PLCB1: variants seen among roughly 807,000 people sequenced by gnomAD.
PLCB1 encodes 1-phosphatidylinositol 4,5-bisphosphate phosphodiesterase beta-1.
A neutral mutation model predicts 161.8 loss-of-function variants in PLCB1; 46 were observed. The ratio of observed to expected loss-of-function variants is 0.28; its 90% confidence interval spans 0.22 to 0.36. The LOEUF is 0.36. PLCB1 is among the 10% of genes least tolerant of loss of function. The pLI is 1.00. For synonymous variants in PLCB1, 517 were observed against 503.7 expected (o/e 1.03, Z -0.35); for missense variants, 1,016 against 1,472.5 (o/e 0.69, Z 5.07).
intron 2 of PLCB1, among the ~76,000 whole-genome samples, chr20:8,249,955 C>T (rs534600931): frequency 6.5e-4 from 99 of 151,984 alleles, no homozygotes; most frequent in African/African-American, 2.0e-3. Flanking sequence ...GGTTAGAAGC[C>T]TGAGGAACTG....
chr20:8,571,455 C>A (rs529315098), intron 3 of PLCB1, among the ~76,000 whole-genome samples: 1 of 151,842 alleles, frequency 6.6e-6, no homozygotes, highest in South Asian at 2.1e-4. Flanking sequence ...GCATTCCAGC[C>A]GGGGTGACCA....
At chr20:8,442,740 T>G (rs1980617865) in intron 3 of PLCB1, among the ~76,000 whole-genome samples, 1 of 152,154 alleles carries the variant, frequency 6.6e-6, no homozygotes, top group South Asian at 2.1e-4. Context: ...TCTGTTTTAT[T>G]AATTAAACTC....
intron 31 of PLCB1, among the ~76,000 whole-genome samples, chr20:8,878,941 T>C (rs115605867): frequency 0.01 from 1,576 of 152,198 alleles, 22 homozygotes; most frequent in African/African-American, 0.036. Context: ...AATTAGTTTT[T>C]CAAGGCTTGC....
intron 2 of PLCB1, among the ~76,000 whole-genome samples, chr20:8,321,445 C>T (rs73086231): frequency 6.6e-6 from 1 of 152,246 alleles, no homozygotes; most frequent in Non-Finnish European, 1.5e-5. Context: ...AATTTGGTAT[C>T]TGTTAATGAA....
In PLCB1 at chr20:8,232,802, C is replaced by A. The variant is rs1980126493; in HGVS notation, c.177+82431C>A. Among the ~76,000 whole-genome samples, 6 of 152,186 alleles carry A rather than the reference C, an allele frequency of 3.9e-5. No homozygotes were observed. In the South Asian group the frequency reaches 1.2e-3, roughly 31 times the overall value. On this transcript the variant is annotated intron_variant, in intron 2 of 31. Transcript: ENST00000338037. The stretch of plus-strand genomic sequence containing the variant: ...GAGGAAAGATGGTTAAGTCCTCTCT[C>A]CTTTCTTGGTTTAGCACTTCTTGCA...
intron 3 of PLCB1, among the ~76,000 whole-genome samples, chr20:8,603,873 G>C (rs1987673479): frequency 6.6e-6 from 1 of 152,178 alleles, no homozygotes; most frequent in Non-Finnish European, 1.5e-5. Context: ...ATTTTGGGGT[G>C]TTAATAATAT....
At chr20:8,167,748 CTTAT>C (rs2051690117) in intron 2 of PLCB1, among the ~76,000 whole-genome samples, 1 of 152,104 alleles carries the variant, frequency 6.6e-6, no homozygotes, top group South Asian at 2.1e-4. Context: ...TTCTGATGTA[CTTAT>C]TTATAGAACA....
chr20:8,391,781 GTGTGTATATATATA>G (rs539831208), intron 3 of PLCB1, among the ~76,000 whole-genome samples: 2 of 95,474 alleles, frequency 2.1e-5, no homozygotes, highest in African/African-American at 8.6e-5. Context: ...ATATATATGT[GTGTGTATATATATA>G]TATATATATA....
chr20:8,713,743 G>A (rs531359320), intron 12 of PLCB1, among the ~76,000 whole-genome samples: 1 of 152,308 alleles, frequency 6.6e-6, no homozygotes, highest in East Asian at 1.9e-4. Flanking sequence ...TAAAATGCAT[G>A]TTCCGGGGCT....
At chr20:8,523,504 A>C (rs752455177) in intron 3 of PLCB1, among the ~76,000 whole-genome samples, 878 of 87,126 alleles carry the variant, frequency 0.01, 21 homozygotes, top group African/African-American at 0.014. Context: ...CTCTATATAT[A>C]TATATATATA....
intron 3 of PLCB1, among the ~76,000 whole-genome samples, chr20:8,458,698 T>A (rs1981438014): frequency 6.6e-6 from 1 of 152,210 alleles, no homozygotes; most frequent in East Asian, 1.9e-4. Context: ...ATTACCTGTC[T>A]GGGATGAAAG....
intron 3 of PLCB1, among the ~76,000 whole-genome samples, chr20:8,496,458 C>G (rs78014972): frequency 6.6e-6 from 1 of 152,122 alleles, no homozygotes; most frequent in Non-Finnish European, 1.5e-5. Flanking sequence ...AAGCAGTGAT[C>G]GCGCCACTGC....
intron 13 of PLCB1, 36 bp from the exon 14 acceptor site, chr20:8,717,635 A>G: frequency 2.0e-6 from 3 of 1,524,748 alleles, no homozygotes; most frequent in Non-Finnish European, 2.7e-6. Context: ...AAGAGGGAGC[A>G]GTATTTTTAA....
chr20:8,472,863 G>C (rs1206509420), intron 3 of PLCB1, among the ~76,000 whole-genome samples: 1 of 152,078 alleles, frequency 6.6e-6, no homozygotes, highest in Non-Finnish European at 1.5e-5. Context: ...CATCTCAGTA[G>C]CTTAACACTA....
chr20:8,670,090 A>G (rs1473085495), intron 9 of PLCB1, among the ~76,000 whole-genome samples: 1 of 152,202 alleles, frequency 6.6e-6, no homozygotes, highest in Non-Finnish European at 1.5e-5. Flanking sequence ...ATTTTAAATG[A>G]TAAATCAGTA....
At chr20:8,858,486 A>T (rs776812145) in intron 31 of PLCB1, among the ~76,000 whole-genome samples, 6 of 152,178 alleles carry the variant, frequency 3.9e-5, no homozygotes, top group Non-Finnish European at 8.8e-5. Flanking sequence ...TAACACAAAA[A>T]TCATTCAAAT....
chr20:8,395,180 A>G (rs1221161305), intron 3 of PLCB1, among the ~76,000 whole-genome samples: 2 of 152,108 alleles, frequency 1.3e-5, no homozygotes, highest in Non-Finnish European at 2.9e-5. Context: ...TACAAACAAT[A>G]TGGGAAATTG....
intron 3 of PLCB1, among the ~76,000 whole-genome samples, chr20:8,483,652 T>C (rs1226476813): frequency 6.6e-6 from 1 of 152,156 alleles, no homozygotes; most frequent in Non-Finnish European, 1.5e-5. Flanking sequence ...GACATTTGAT[T>C]TGAGTTAAGG....
intron 31 of PLCB1, among the ~76,000 whole-genome samples, chr20:8,842,658 G>A (rs1986549564): frequency 6.6e-6 from 1 of 152,108 alleles, no homozygotes; most frequent in Non-Finnish European, 1.5e-5. Flanking sequence ...TCCCTTTTAA[G>A]GGCCTACAGC....
Sources: gnomAD v4.1 joint callset for allele counts (sites outside exome capture counted in the v4.1 genomes callset) on GRCh38, gnomAD v4.1.1 for gene constraint, MANE v1.5 for transcripts, NCBI Gene and HGNC (gene_info 2026-07-23, HGNC 2026-07-21) for gene names.